Variants in SLC5A4 observed in about 807,000 individuals in gnomAD.
SLC5A4 encodes probable glucose sensor protein SLC5A4.
In SLC5A4, 55 loss-of-function variants were observed where a neutral mutation model predicts 70.3. That is an observed-to-expected ratio of 0.78 (90% CI 0.63 to 0.98). The LOEUF is 0.98. Ranked by LOEUF, SLC5A4 falls within the 50% of genes least tolerant of loss-of-function variation. The pLI, the probability that SLC5A4 is intolerant of heterozygous loss-of-function variation, is 0.00. For synonymous variants in SLC5A4, 268 were observed against 305.7 expected (o/e 0.88, Z 1.29); for missense variants, 735 against 839.2 (o/e 0.88, Z 1.53).
At chr22:32,248,662 A>C in intron 4 of SLC5A4, 81 bp downstream of exon 4, 2 of 995,846 alleles carry the variant, frequency 2.0e-6, no homozygotes, top group East Asian at 2.4e-5. Flanking sequence ...GGCAATACTC[A>C]TTGTCTCAGT....
chr22:32,280,694 A>G, the SLC5A4 span, among the ~76,000 whole-genome samples: 2 of 152,344 alleles, frequency 1.3e-5, no homozygotes, highest in East Asian at 3.9e-4. Context: ...CAGGAATTCA[A>G]GAAAGAAGTT....
chr22:32,334,138 C>CGG, the SLC5A4 span, among the ~76,000 whole-genome samples: 1 of 127,028 alleles, frequency 7.9e-6, no homozygotes, highest in African/African-American at 3.6e-5. Flanking sequence ...CACACCATGC[C>CGG]AGACAACACA....
chr22:32,257,259 C>A (rs140236630), upstream of SLC5A4, among the ~76,000 whole-genome samples: 223 of 152,238 alleles, frequency 1.5e-3, 1 homozygote, highest in African/African-American at 5.2e-3. Context: ...ATGTTGTATT[C>A]TTTTTTACAC....
the SLC5A4 span, among the ~76,000 whole-genome samples, chr22:32,335,539 C>T: frequency 1.3e-5 from 2 of 152,164 alleles, no homozygotes; most frequent in Non-Finnish European, 2.9e-5. Context: ...CCTCTGATTT[C>T]ATCCCCTTGC....
the SLC5A4 span, among the ~76,000 whole-genome samples, chr22:32,293,347 T>C: frequency 0.12 from 18,233 of 152,060 alleles, 1,479 homozygotes; most frequent in Non-Finnish European, 0.18. Context: ...CCCACCTGTT[T>C]TATATTCTTC....
chr22:32,332,763 A>G, the SLC5A4 span, among the ~76,000 whole-genome samples: 3 of 152,166 alleles, frequency 2.0e-5, no homozygotes, highest in African/African-American at 7.2e-5. Context: ...CCCATGGTAA[A>G]GGTTAATTTT....
the SLC5A4 span, chr22:32,269,334 A>G: frequency 3.1e-6 from 1 of 318,156 alleles, no homozygotes; most frequent in Admixed American, 4.1e-5. The surrounding 1 kb of genome is among the most constrained non-coding windows in gnomAD (Gnocchi z 4.1). Flanking sequence ...GATCTTTTAA[A>G]AATCCGTATT....
chr22:32,279,424 T>C, the SLC5A4 span, among the ~76,000 whole-genome samples: 2 of 152,154 alleles, frequency 1.3e-5, no homozygotes, highest in Non-Finnish European at 2.9e-5. Flanking sequence ...GAGAACTCAG[T>C]AGTGGCACAA....
intron 11 of SLC5A4, among the ~76,000 whole-genome samples, chr22:32,226,351 G>T (rs1198106990): frequency 6.6e-6 from 1 of 152,192 alleles, no homozygotes; most frequent in Non-Finnish European, 1.5e-5. Flanking sequence ...CGTGTTAAAG[G>T]CTCCTGTTGT....
the SLC5A4 span, among the ~76,000 whole-genome samples, chr22:32,318,377 A>T: frequency 6.6e-6 from 1 of 152,122 alleles, no homozygotes. Context: ...GATATTTAAT[A>T]GACACCTCAA....
At chr22:32,242,237 A>G (rs375231908) in intron 5 of SLC5A4, among the ~76,000 whole-genome samples, 189 of 152,256 alleles carry the variant, frequency 1.2e-3, no homozygotes, top group Admixed American at 3.4e-3. Flanking sequence ...TAAAGGAGCC[A>G]GGGCTCTCCC....
the SLC5A4 span, among the ~76,000 whole-genome samples, chr22:32,351,092 T>C: frequency 6.6e-6 from 1 of 152,088 alleles, no homozygotes; most frequent in Non-Finnish European, 1.5e-5. Flanking sequence ...ATGAACCAAA[T>C]TTGCTTATGC....
the SLC5A4 span, among the ~76,000 whole-genome samples, chr22:32,305,235 T>G: frequency 4.6e-5 from 7 of 151,878 alleles, no homozygotes; most frequent in Admixed American, 4.6e-4. Flanking sequence ...GGGTTTCAGA[T>G]GTGATTTTAT....
chr22:32,322,251 T>C, the SLC5A4 span, among the ~76,000 whole-genome samples: 2 of 152,172 alleles, frequency 1.3e-5, no homozygotes, highest in African/African-American at 4.8e-5. Flanking sequence ...TGCCCTCCTA[T>C]GTTCTTAGGT....
chr22:32,254,085 T>G, intron 2 of SLC5A4, 57 bp downstream of exon 2: 1 of 1,356,736 alleles, frequency 7.4e-7, no homozygotes, highest in Non-Finnish European at 1.1e-6. Context: ...CCAGCCTACA[T>G]TCAGTTTTAA....
the SLC5A4 span, among the ~76,000 whole-genome samples, chr22:32,291,826 G>A: frequency 6.8e-6 from 1 of 146,688 alleles, no homozygotes; most frequent in Non-Finnish European, 1.5e-5. Context: ...TTATATATAT[G>A]TGTGTGTGTA....
the SLC5A4 span, among the ~76,000 whole-genome samples, chr22:32,329,656 G>A: frequency 9.9e-6 from 1 of 100,530 alleles, no homozygotes; most frequent in Non-Finnish European, 2.1e-5. Context: ...TGTGTTGGGG[G>A]CTCTGGTGTG....
At chr22:32,310,088 G>A in the SLC5A4 span, among the ~76,000 whole-genome samples, 2 of 150,022 alleles carry the variant, frequency 1.3e-5, no homozygotes, top group East Asian at 2.0e-4. Flanking sequence ...GGATGGGGGG[G>A]GTGGCAGAAG....
At chr22:32,336,478 C>T in the SLC5A4 span, among the ~76,000 whole-genome samples, 2 of 152,196 alleles carry the variant, frequency 1.3e-5, no homozygotes, top group African/African-American at 2.4e-5. Context: ...GGGTCTCTTC[C>T]GGGGCAGGAT....
Sources: allele counts gnomAD v4.1 joint callset (sites outside exome capture counted in the v4.1 genomes callset), GRCh38; gene constraint gnomAD v4.1.1; non-coding constraint Gnocchi (gnomAD v3.1); transcripts MANE v1.5; gene names NCBI Gene and HGNC (gene_info 2026-07-23, HGNC 2026-07-21).